GBE1: variants seen among roughly 807,000 people sequenced by gnomAD.
GBE1 encodes 1,4-alpha-glucan branching enzyme 1, also known as 1,4-alpha-glucan-branching enzyme.
In GBE1, 70 loss-of-function variants were observed where a neutral mutation model predicts 88.8. That is an observed-to-expected ratio of 0.79 (90% confidence interval 0.65 to 0.96). The LOEUF (loss-of-function observed/expected upper bound fraction) is 0.96, where lower values mean the gene tolerates loss of function less well. GBE1 is among the 40% of genes least tolerant of loss of function. The pLI, the probability that GBE1 is intolerant of heterozygous loss-of-function variation, is 0.00. For synonymous variants in GBE1, 284 were observed against 300.1 expected (o/e 0.95, Z 0.56); for missense variants, 872 against 871.0 (o/e 1.00, Z -0.01).
chr3:81,713,270 G>A (rs966482961), intron 1 of GBE1, among the ~76,000 whole-genome samples: 6 of 152,184 alleles, frequency 3.9e-5, no homozygotes, highest in African/African-American at 1.4e-4. Context: ...CTTGAAGGAT[G>A]AGTAGTACAT....
intron 1 of GBE1, among the ~76,000 whole-genome samples, chr3:81,729,959 T>C (rs1434130556): frequency 6.6e-6 from 1 of 152,160 alleles, no homozygotes; most frequent in African/African-American, 2.4e-5. Context: ...TACCACTGGA[T>C]ACCCCACATG....
At chr3:81,665,609 T>C (rs1705104166) in intron 3 of GBE1, among the ~76,000 whole-genome samples, 1 of 152,208 alleles carries the variant, frequency 6.6e-6, no homozygotes, top group South Asian at 2.1e-4. Flanking sequence ...AACATTTTCT[T>C]TCTACATTAC....
intron 14 of GBE1, among the ~76,000 whole-genome samples, chr3:81,503,593 G>T (rs1358616977): frequency 6.6e-6 from 1 of 152,164 alleles, no homozygotes; most frequent in South Asian, 2.1e-4. Flanking sequence ...AGAAGTACAA[G>T]TGACAGTATT....
chr3:81,654,458 A>T (rs1323468534), intron 3 of GBE1: 2 of 152,196 alleles, frequency 1.3e-5, no homozygotes, highest in African/African-American at 4.8e-5. Context: ...TATATAAAAA[A>T]TCGGATGTGT....
chr3:81,695,550 G>A (rs1705578983), intron 2 of GBE1, among the ~76,000 whole-genome samples: 1 of 152,124 alleles, frequency 6.6e-6, no homozygotes, highest in Non-Finnish European at 1.5e-5. Context: ...GGTGACGGAA[G>A]TGTTCTGAAA....
chr3:81,556,549 TA>T (rs931240321), intron 12 of GBE1, among the ~76,000 whole-genome samples: 2 of 152,104 alleles, frequency 1.3e-5, no homozygotes, highest in Non-Finnish European at 2.9e-5. Context: ...CATGAATATC[TA>T]AATATTCATA....
chr3:81,710,164 CAAATT>C (rs1241814084), intron 1 of GBE1, among the ~76,000 whole-genome samples: 1 of 146,480 alleles, frequency 6.8e-6, no homozygotes, highest in Non-Finnish European at 1.5e-5. Flanking sequence ...AGTTAAATCT[CAAATT>C]AAAAGTCATA....
chr3:81,695,060 T>C (rs1373810420), intron 2 of GBE1, among the ~76,000 whole-genome samples: 1 of 152,196 alleles, frequency 6.6e-6, no homozygotes, highest in Non-Finnish European at 1.5e-5. Flanking sequence ...AATATTCCTT[T>C]TGCTTTTAAT....
chr3:81,581,214 TTTG>T lies in GBE1; in HGVS notation c.1394_1396del (p.Thr465del). On this transcript the variant is annotated inframe_deletion, in exon 11 of 16. Transcript: ENST00000429644. The stretch of plus-strand genomic sequence containing the variant: ...AATGCACTTTTCAAGGTAGCGCCTG[TTTG>T]TGAGCGTGTATACTATATCGCCCAT... 1 of 1,607,758 alleles carries T rather than the reference TTTG, an allele frequency of 6.2e-7. No homozygotes were observed. The highest frequency in any genetic ancestry group is 8.5e-7 in the Non-Finnish European group (1 of 1,177,258).
chr3:81,622,919 A>T (rs1188800533), intron 7 of GBE1, among the ~76,000 whole-genome samples: 1 of 152,136 alleles, frequency 6.6e-6, no homozygotes, highest in Non-Finnish European at 1.5e-5. Context: ...TACTGCACTG[A>T]TCTAAGACAG....
At chr3:81,698,269 C>T (rs1345110462) in intron 2 of GBE1, among the ~76,000 whole-genome samples, 1 of 151,786 alleles carries the variant, frequency 6.6e-6, no homozygotes, top group Non-Finnish European at 1.5e-5. Context: ...TACACACACA[C>T]ACAAAACAGT....
At chr3:81,610,244 C>T (rs1449697657) in intron 7 of GBE1, among the ~76,000 whole-genome samples, 1 of 152,190 alleles carries the variant, frequency 6.6e-6, no homozygotes, top group South Asian at 2.1e-4. Flanking sequence ...AAGGATACAA[C>T]CCCTTGACCT....
chr3:81,567,484 T>C (rs1187836783), intron 12 of GBE1, among the ~76,000 whole-genome samples: 1 of 152,184 alleles, frequency 6.6e-6, no homozygotes, highest in Non-Finnish European at 1.5e-5. Flanking sequence ...TGTTTGCCAT[T>C]TCATTTGAGT....
intron 3 of GBE1, among the ~76,000 whole-genome samples, chr3:81,654,127 ATTAT>A (rs1481754902): frequency 6.6e-6 from 1 of 152,180 alleles, no homozygotes; most frequent in Non-Finnish European, 1.5e-5. Context: ...AATGAGCCAA[ATTAT>A]TTATTTGACT....
chr3:81,516,732 C>A (rs1702803078), intron 14 of GBE1, among the ~76,000 whole-genome samples: 1 of 151,332 alleles, frequency 6.6e-6, no homozygotes, highest in South Asian at 2.1e-4. Flanking sequence ...AATATCAACA[C>A]AATAGGAGTT....
rs76081659 is a variant in GBE1 at position 81,611,856 on chromosome 3, C to T, written c.993-17833G>A. 5.9e-3 allele frequency among the ~76,000 whole-genome samples: 894 copies of T among 152,150 alleles called. 6 individuals are homozygous for T. Among genetic ancestry groups the T allele is most frequent in the African/African-American group, 0.017 (707 of 41,500 alleles). ...ATAACTAAGACATAGTTTGCAAATG[C>T]TTTTTTGATGAAGAGTCAGGGAATA... is the stretch of plus-strand genomic sequence containing the variant. On this transcript the variant is annotated intron_variant, in intron 7 of 15. Coordinates refer to ENST00000429644, the MANE Select transcript of GBE1 (RefSeq NM_000158.4).
chr3:81,675,001 T>C (rs1448846066), intron 2 of GBE1, among the ~76,000 whole-genome samples: 1 of 151,992 alleles, frequency 6.6e-6, no homozygotes, highest in Non-Finnish European at 1.5e-5. Flanking sequence ...CATGGATTTG[T>C]TAAAATACAG....
intron 7 of GBE1, among the ~76,000 whole-genome samples, chr3:81,615,382 G>C (rs1290144782): frequency 6.6e-6 from 1 of 152,130 alleles, no homozygotes; most frequent in African/African-American, 2.4e-5. Flanking sequence ...CAGAACAATT[G>C]TGTCACTAGA....
chr3:81,580,679 G>C (rs930406523), intron 11 of GBE1, among the ~76,000 whole-genome samples: 6 of 152,044 alleles, frequency 3.9e-5, no homozygotes, highest in African/African-American at 1.4e-4. Context: ...AACTTAGGCT[G>C]TATTCGAGAA....
Sources: allele counts gnomAD v4.1 joint callset (sites outside exome capture counted in the v4.1 genomes callset), GRCh38; gene constraint gnomAD v4.1.1; transcripts MANE v1.5; gene names NCBI Gene and HGNC (gene_info 2026-07-23, HGNC 2026-07-21).